Variants in TRIP13 observed in about 807,000 individuals in gnomAD.
The protein encoded by TRIP13 is pachytene checkpoint protein 2 homolog.
A neutral mutation model predicts 54.4 loss-of-function variants in TRIP13; 25 were observed. The ratio of observed to expected loss-of-function variants is 0.46; its 90% CI spans 0.33 to 0.64. The LOEUF is 0.64. Among genes scored for constraint, TRIP13 ranks in the 30% least tolerant of loss-of-function variants. The pLI, the probability that TRIP13 is intolerant of heterozygous loss-of-function variation, is 0.02. For missense variants in TRIP13, 373 were observed against 534.2 expected (o/e 0.70, Z 2.97); for synonymous variants, 207 against 207.8 (o/e 1.00, Z 0.03).
intron 12 of TRIP13, 63 bp from the exon 13 acceptor site, chr5:916,945 G>A: frequency 1.3e-6 from 2 of 1,512,272 alleles, no homozygotes; most frequent in Non-Finnish European, 1.8e-6. Flanking sequence ...AGGGGCTGTG[G>A]ATGCCAGATG....
At chr5:903,232 G>A (rs1381372807) in intron 5 of TRIP13, among the ~76,000 whole-genome samples, 2 of 152,008 alleles carry the variant, frequency 1.3e-5, no homozygotes, top group East Asian at 1.9e-4. Flanking sequence ...CTTGGCAGCG[G>A]GCTTCTTCCC....
chr5:895,069 T>A, intron 2 of TRIP13, 117 bp downstream of exon 2: 1 of 1,199,928 alleles, frequency 8.3e-7, no homozygotes, highest in Non-Finnish European at 1.2e-6. Context: ...CTCTGTTGGT[T>A]TGGGTGGCTA....
At position 915,311 on chromosome 5, in the gene TRIP13, G is replaced by A. The variant is rs897171422; in HGVS notation, c.1134-593G>A. Reference sequence around the variant, plus strand: ...CTCTGTGCCTACTGACCATGTGCCCGCTGCATCGTGCCTTACGCCTGGTGC... The same window carrying A: ...CTCTGTGCCTACTGACCATGTGCCCACTGCATCGTGCCTTACGCCTGGTGC... On this transcript the variant is annotated intron_variant, in intron 11 of 12. Transcript: ENST00000166345. This position sits in a 1 kb window ranked among gnomAD's most constrained non-coding sequence, Gnocchi z 4.2. Among the ~76,000 whole-genome samples the A allele has an allele frequency of 6.6e-6, 1 of 152,188 alleles. No homozygotes were observed. Among genetic ancestry groups the A allele is most frequent in the East Asian group, 1.9e-4 (1 of 5,188 alleles).
chr5:906,661 AGAG>A (rs1307476169), intron 6 of TRIP13, among the ~76,000 whole-genome samples: 11 of 152,164 alleles, frequency 7.2e-5, no homozygotes, highest in Non-Finnish European at 1.5e-4. Context: ...CTGAATGGAT[AGAG>A]GAGTGTTTCT....
chr5:901,824 C>T (rs947647156), intron 5 of TRIP13, among the ~76,000 whole-genome samples: 5 of 152,048 alleles, frequency 3.3e-5, no homozygotes, highest in African/African-American at 1.2e-4. Context: ...GGTTTCACCA[C>T]GTTGACCAGG....
chr5:907,931 G>GTGCACC lies in TRIP13; in HGVS notation c.673-54_673-49dup. On this transcript the variant is annotated intron_variant, in intron 7 of 12. Coordinates refer to ENST00000166345, the MANE Select transcript of TRIP13 (RefSeq NM_004237.4). This position sits in a 1 kb window ranked among gnomAD's most constrained non-coding sequence, Gnocchi z 4.1. ...CAGCAGGCCACATCAGGGTCCCCCT[G>GTGCACC]TGCACCTGGCAGTGTGGTCCCTGCA... is the stretch of plus-strand genomic sequence containing the variant. The GTGCACC allele has an allele frequency of 6.3e-7, 1 of 1,577,788 alleles. No individual in the cohort carries two copies. Among genetic ancestry groups the GTGCACC allele is most frequent in the Non-Finnish European group, 8.7e-7 (1 of 1,147,076 alleles).
At position 908,523 on chromosome 5, in the gene TRIP13, C is replaced by G. The variant is rs1226906889; in HGVS notation, c.866+62C>G. 1.2e-6 allele frequency: 2 copies of G among 1,601,090 alleles called. No homozygotes were observed. The highest frequency in any genetic ancestry group is 1.7e-6 in the Non-Finnish European group (2 of 1,174,822). On this transcript the variant is annotated intron_variant, in intron 9 of 12. Coordinates refer to ENST00000166345, the MANE Select transcript of TRIP13 (RefSeq NM_004237.4). The surrounding 1 kb of genome is among the most constrained non-coding windows in gnomAD (Gnocchi z 5.2). Reference sequence around the variant, plus strand: ...ATGAGAAGTTTGTCCCAAAGAAATGCGTGATACTTGTGCAACCCTAGATCT... The same window carrying G: ...ATGAGAAGTTTGTCCCAAAGAAATGGGTGATACTTGTGCAACCCTAGATCT...
chr5:896,827 T>C, intron 3 of TRIP13, 33 bp downstream of exon 3: 2 of 1,604,436 alleles, frequency 1.2e-6, no homozygotes, highest in South Asian at 1.1e-5. Context: ...AAGGGGAGGC[T>C]GAGGTCAGAG....
At chr5:916,965 A>G (rs1259209876) in intron 12 of TRIP13, 43 bp from the exon 13 acceptor site, 3 of 1,593,456 alleles carry the variant, frequency 1.9e-6, no homozygotes, top group Admixed American at 1.7e-5. Flanking sequence ...GGCCCCACCA[A>G]ACGTGAGTTG....
At position 912,343 on chromosome 5, in the gene TRIP13, C is replaced by T. The variant is rs73734410; in HGVS notation, c.1020+347C>T. Among the ~76,000 whole-genome samples the T allele has an allele frequency of 0.047, 7,167 of 152,022 alleles. 527 individuals carry two copies. Among genetic ancestry groups the T allele is most frequent in the African/African-American group, 0.16 (6,587 of 41,420 alleles). On this transcript the variant is annotated intron_variant, in intron 10 of 12. Transcript: ENST00000166345. This position sits in a 1 kb window ranked among gnomAD's most constrained non-coding sequence, Gnocchi z 7.2. ...CGGGCTTTTCCAATGCCCTGCCTCT[C>T]GGGGGCCTGTATCCTTACCTGAAAG...
chr5:905,913 T>TTTGAA (rs1165561738), intron 6 of TRIP13, among the ~76,000 whole-genome samples: 2 of 152,240 alleles, frequency 1.3e-5, no homozygotes, highest in African/African-American at 4.8e-5. Flanking sequence ...TACATGTGTG[T>TTTGAA]TTTCAAGATC....
rs544236981 is a variant in TRIP13 at position 903,761 on chromosome 5, A to G, written c.536-387A>G. Among the ~76,000 whole-genome samples the G allele has an allele frequency of 2.0e-5, 3 of 152,288 alleles. No individual in the cohort carries two copies. In the East Asian group the frequency reaches 5.8e-4, roughly 29 times the overall value. ...AAGAAAGGTGTGTTTGATCTCTGAA[A>G]GGTGCCTTGATGAGTGGATTTCATA... On this transcript the variant is annotated intron_variant, in intron 5 of 12. Transcript: ENST00000166345.
At position 908,729 on chromosome 5, in the gene TRIP13, C is replaced by A; in HGVS notation, c.866+268C>A. Reference sequence around the variant, plus strand: ...ATCCCAGCACTTTGGGAGGCCGAGGCAGGCGGATCACAAGGTCAGTAGATT... The same window carrying A: ...ATCCCAGCACTTTGGGAGGCCGAGGAAGGCGGATCACAAGGTCAGTAGATT... On this transcript the variant is annotated intron_variant, in intron 9 of 12. Transcript: ENST00000166345. The surrounding 1 kb of genome is among the most constrained non-coding windows in gnomAD (Gnocchi z 5.2). 1.8e-6 allele frequency: 2 copies of A among 1,087,334 alleles called. No homozygotes were observed. Among genetic ancestry groups the A allele is most frequent in the South Asian group, 1.8e-5 (1 of 55,848 alleles). The allele number at this position is 1,087,334 out of a possible 1,614,324, so 67.4% of individuals were successfully genotyped here. A position where few individuals can be genotyped will look rare whatever the true frequency, so the allele number is the denominator to read the frequency against.
Position 915,916 on chromosome 5 carries a change from C to T in TRIP13, c.1146C>T (p.Gly382=). The T allele has an allele frequency of 6.2e-7, 1 of 1,614,084 alleles. No individual in the cohort carries two copies. Among genetic ancestry groups the T allele is most frequent in the East Asian group, 2.2e-5 (1 of 44,868 alleles). The change falls in exon 12 of 13, where the codon GGC becomes GGT. Residue 382 remains glycine, a synonymous_variant. Transcript: ENST00000166345. The surrounding 1 kb of genome is among the most constrained non-coding windows in gnomAD (Gnocchi z 4.2). The part of the protein sequence containing the change: ...LLNDISRKSE[G]LSGRVLRKLP... ...TTTCTTTACACAGGAAGAGCGAGGGCCTCAGCGGCCGGGTCCTGAGAAAAC... is the reference window on the plus strand; with the variant it reads ...TTTCTTTACACAGGAAGAGCGAGGGTCTCAGCGGCCGGGTCCTGAGAAAAC...
In TRIP13 at chr5:916,949, C is replaced by T. The variant is rs928453702; in HGVS notation, c.1204-59C>T. ...TGGGTGGCGGCAGGGGCTGTGGATGCCAGATGGCCCCACCAAACGTGAGTT... is the reference window on the plus strand; with the variant it reads ...TGGGTGGCGGCAGGGGCTGTGGATGTCAGATGGCCCCACCAAACGTGAGTT... On this transcript the variant is annotated intron_variant, in intron 12 of 12. Coordinates refer to ENST00000166345, the MANE Select transcript of TRIP13 (RefSeq NM_004237.4). The T allele has an allele frequency of 1.2e-5, 19 of 1,536,398 alleles. No homozygotes were observed. The African/African-American group carries it at 2.1e-4, about 17-fold the overall frequency.
intron 4 of TRIP13, 140 bp from the exon 5 acceptor site, chr5:901,201 G>C: frequency 1.7e-6 from 1 of 602,976 alleles, no homozygotes; most frequent in South Asian, 2.4e-5. Context: ...AGCGTTTGGA[G>C]GTGATGATCT....
chr5:895,566 C>G (rs1367805838), intron 2 of TRIP13, among the ~76,000 whole-genome samples: 1 of 152,166 alleles, frequency 6.6e-6, no homozygotes. Flanking sequence ...AAGTTCTGCT[C>G]GTGAGGTGGA....
chr5:896,338 A>C (rs1040681399), intron 2 of TRIP13, among the ~76,000 whole-genome samples: 21 of 152,190 alleles, frequency 1.4e-4, no homozygotes, highest in African/African-American at 2.9e-4. Context: ...TTAAAAAAAA[A>C]CAAAAAACCT....
intron 5 of TRIP13, among the ~76,000 whole-genome samples, chr5:902,666 CAA>C (rs565568150): frequency 1.4e-5 from 2 of 147,520 alleles, no homozygotes; most frequent in South Asian, 2.1e-4. Context: ...AGACACAAGA[CAA>C]AGAGATAAAA....
Sources: gnomAD v4.1 joint callset for allele counts (sites outside exome capture counted in the v4.1 genomes callset) on GRCh38, gnomAD v4.1.1 for gene constraint, Gnocchi (gnomAD v3.1) non-coding constraint, MANE v1.5 for transcripts, NCBI Gene and HGNC (gene_info 2026-07-23, HGNC 2026-07-21) for gene names.